The following ST7L variants were observed in gnomAD, a reference collection of about 807,000 sequenced individuals.
ST7L encodes suppressor of tumorigenicity 7 protein-like.
Under a neutral mutation model 72.5 loss-of-function variants are expected in ST7L, and 57 were observed. The observed-to-expected ratio is 0.79, with a 90% CI of 0.64 to 0.98. ST7L has a LOEUF of 0.98. Among genes scored for constraint, ST7L ranks in the 50% least tolerant of loss-of-function variants. ST7L has a pLI of 0.00. For missense variants in ST7L, 576 were observed against 672.2 expected, an observed-to-expected ratio of 0.86 and a Z score of 1.58; for synonymous variants, 221 against 240.9, an observed-to-expected ratio of 0.92 and a Z score of 0.77.
chr1:112,596,471 T>C (rs1020040187), intron 5 of ST7L, among the ~76,000 whole-genome samples: 2 of 152,198 alleles, frequency 1.3e-5, no homozygotes, highest in African/African-American at 4.8e-5. Context: ...GGTTTCTTTA[T>C]TGTTAAAATG....
intron 11 of ST7L, among the ~76,000 whole-genome samples, chr1:112,573,754 T>G (rs1662557258): frequency 6.6e-6 from 1 of 151,582 alleles, no homozygotes; most frequent in Non-Finnish European, 1.5e-5. Context: ...GGGCCAGGCA[T>G]ATGTTTGCTC....
intron 12 of ST7L, among the ~76,000 whole-genome samples, chr1:112,555,384 G>T (rs6679414): frequency 0.49 from 74,611 of 151,078 alleles, 18,688 homozygotes; most frequent in East Asian, 0.64. Context: ...GCTAACACGA[G>T]GAAACCCCAT....
intron 4 of ST7L, among the ~76,000 whole-genome samples, chr1:112,598,583 C>A (rs1415860019): frequency 6.7e-6 from 1 of 149,486 alleles, no homozygotes; most frequent in African/African-American, 2.5e-5. Flanking sequence ...GATCTTATCT[C>A]TATTTTTTAA....
chr1:112,569,680 T>C (rs1661711982), intron 11 of ST7L, among the ~76,000 whole-genome samples: 1 of 152,148 alleles, frequency 6.6e-6, no homozygotes, highest in Admixed American at 6.5e-5. Flanking sequence ...CAGTATCAGC[T>C]GGGCGCAGTG....
intron 11 of ST7L, among the ~76,000 whole-genome samples, chr1:112,565,114 G>A (rs1014629782): frequency 2.0e-5 from 3 of 150,684 alleles, no homozygotes; most frequent in Admixed American, 6.6e-5. Flanking sequence ...GCGCGATCTC[G>A]GCTCACTGCA....
chr1:112,618,889 A>C lies in ST7L; in HGVS notation c.205+20T>G. 1 of 1,547,276 alleles carries C rather than the reference A, an allele frequency of 6.5e-7. No homozygotes were observed. Among genetic ancestry groups the C allele is most frequent in the South Asian group, 1.2e-5 (1 of 83,796 alleles). Reference sequence around the variant, plus strand: ...CTCTCCTGGCCCCCCGCCCTGCCCCAGGAGGTCTGGTCCTCTCACCCGCTG... The same window carrying C: ...CTCTCCTGGCCCCCCGCCCTGCCCCCGGAGGTCTGGTCCTCTCACCCGCTG... On this transcript the variant is annotated intron_variant, in intron 1 of 14. Transcript: ENST00000358039.
chr1:112,543,266 T>C (rs1189505728), intron 13 of ST7L, among the ~76,000 whole-genome samples: 1 of 152,262 alleles, frequency 6.6e-6, no homozygotes, highest in East Asian at 1.9e-4. Flanking sequence ...CTAAAGTAGG[T>C]AAGACGGGAG....
At chr1:112,546,985 C>T (rs1425433581) in intron 13 of ST7L, among the ~76,000 whole-genome samples, 1 of 151,554 alleles carries the variant, frequency 6.6e-6, no homozygotes, top group African/African-American at 2.4e-5. Context: ...TACACATATA[C>T]AGGTATGTAT....
Position 112,533,507 on chromosome 1 carries a change from C to T in ST7L, c.1630-7396G>A, listed in dbSNP as rs150171410. 1.1e-4 allele frequency among the ~76,000 whole-genome samples: 17 copies of T among 151,812 alleles called. No homozygotes were observed. The East Asian group carries it at 1.2e-3, about 10-fold the overall frequency. On this transcript the variant is annotated intron_variant, in intron 14 of 14. Transcript: ENST00000358039. Reference sequence around the variant, plus strand: ...AATTTTTGTATTTTTAGTAGAGACGCGGTTTCACCATGTTGGCCAGGATCG... The same window carrying T: ...AATTTTTGTATTTTTAGTAGAGACGTGGTTTCACCATGTTGGCCAGGATCG...
chr1:112,543,598 G>A (rs931339127), intron 13 of ST7L, among the ~76,000 whole-genome samples: 5 of 152,018 alleles, frequency 3.3e-5, no homozygotes, highest in African/African-American at 1.2e-4. Context: ...GCCAGGTGTG[G>A]TTGCTCATGT....
chr1:112,539,849 A>G (rs1173433720), intron 14 of ST7L: 1 of 985,262 alleles, frequency 1.0e-6, no homozygotes, highest in East Asian at 1.1e-4. Context: ...AGGGATAAAA[A>G]TGTGGCTGTA....
In ST7L at chr1:112,550,577, A is replaced by G. The variant is rs1403440325; in HGVS notation, c.1489+24T>C. 13 of 1,569,586 alleles carry G rather than the reference A, an allele frequency of 8.3e-6. No homozygotes were observed. In the Middle Eastern group the frequency reaches 5.1e-4, roughly 61 times the overall value. On this transcript the variant is annotated intron_variant, in intron 13 of 14. Transcript: ENST00000358039. ...ATCTAAACTTACTACTTTTAAGTTT[A>G]AGAAAACTAAAATATTTACTTACTA... is the stretch of plus-strand genomic sequence containing the variant.
chr1:112,580,354 T>C (rs957343703), intron 9 of ST7L, among the ~76,000 whole-genome samples: 3 of 152,298 alleles, frequency 2.0e-5, no homozygotes, highest in East Asian at 1.9e-4. Context: ...GTTTTCACCA[T>C]GTTGCTCAAG....
chr1:112,605,350 G>A (rs889554363), intron 3 of ST7L, among the ~76,000 whole-genome samples: 12 of 151,822 alleles, frequency 7.9e-5, no homozygotes, highest in Non-Finnish European at 1.3e-4. Context: ...CCGAGATTGC[G>A]CTCCTGCACT....
chr1:112,616,317 A>G (rs1669861739), intron 2 of ST7L, among the ~76,000 whole-genome samples: 1 of 152,226 alleles, frequency 6.6e-6, no homozygotes, highest in Non-Finnish European at 1.5e-5. Context: ...AATACTGTCA[A>G]TCTCTTAAAA....
At chr1:112,567,249 G>C (rs12080006) in intron 11 of ST7L, among the ~76,000 whole-genome samples, 4,609 of 151,984 alleles carry the variant, frequency 0.03, 257 homozygotes, top group African/African-American at 0.1. Context: ...ACCTTCATAT[G>C]AACATCTCTT....
chr1:112,549,221 T>C (rs1048038200), intron 13 of ST7L, among the ~76,000 whole-genome samples: 3 of 152,042 alleles, frequency 2.0e-5, no homozygotes, highest in African/African-American at 7.2e-5. Context: ...GGCGAAACCC[T>C]GTTTCTACCA....
chr1:112,594,628 G>A (rs1455080574), intron 5 of ST7L, among the ~76,000 whole-genome samples: 1 of 152,196 alleles, frequency 6.6e-6, no homozygotes, highest in African/African-American at 2.4e-5. Flanking sequence ...AAAGTTCCAA[G>A]ACACAGCTAT....
intron 11 of ST7L, chr1:112,570,694 G>A (rs1430188040): frequency 4.4e-6 from 2 of 453,086 alleles, no homozygotes; most frequent in Non-Finnish European, 4.4e-6. Flanking sequence ...CCAGCTGACA[G>A]TCAGGAATAG....
Sources: allele counts gnomAD v4.1 joint callset (sites outside exome capture counted in the v4.1 genomes callset), GRCh38; gene constraint gnomAD v4.1.1; transcripts MANE v1.5; gene names NCBI Gene and HGNC (gene_info 2026-07-23, HGNC 2026-07-21).